DCC: variants seen among roughly 807,000 people sequenced by gnomAD.
DCC encodes the protein netrin receptor DCC.
In DCC, 58 loss-of-function variants were observed where a neutral mutation model predicts 172.5. The observed-to-expected ratio is 0.34, with a 90% confidence interval of 0.27 to 0.42. DCC has a LOEUF of 0.42. DCC is among the 10% of genes least tolerant of loss of function. The pLI, the probability that DCC is intolerant of heterozygous loss-of-function variation, is 1.00. For missense variants in DCC, 1,740 were observed against 1,791.0 expected (o/e 0.97, Z 0.51); for synonymous variants, 709 against 644.5 (o/e 1.10, Z -1.52).
chr18:53,157,637 C>A, intron 8 of DCC, 125 bp downstream of exon 8: 1 of 922,432 alleles, frequency 1.1e-6, no homozygotes, highest in Non-Finnish European at 1.7e-6. Flanking sequence ...CTACTATGTC[C>A]TTCACTCATT....
At chr18:53,022,586 C>T (rs73463167) in intron 5 of DCC, among the ~76,000 whole-genome samples, 2,147 of 150,426 alleles carry the variant, frequency 0.014, 51 homozygotes, top group African/African-American at 0.049. Flanking sequence ...TAACGGAACA[C>T]CATGGGAAAA....
At chr18:52,795,992 A>G (rs2037868150) in intron 2 of DCC, among the ~76,000 whole-genome samples, 1 of 149,044 alleles carries the variant, frequency 6.7e-6, no homozygotes, top group African/African-American at 2.5e-5. Flanking sequence ...TGCTAATATG[A>G]TTTATTTTTC....
At chr18:53,337,075 TA>T (rs1430221746) in intron 14 of DCC, among the ~76,000 whole-genome samples, 1 of 152,260 alleles carries the variant, frequency 6.6e-6, no homozygotes, top group African/African-American at 2.4e-5. Flanking sequence ...ATGATATGTT[TA>T]AAGCTCCGAT....
Position 53,351,373 on chromosome 18 carries a change from ATATATATACAG to A in DCC, c.2359+11475_2359+11485del, listed in dbSNP as rs1390748017. On this transcript the variant is annotated intron_variant, in intron 15 of 28. Transcript: ENST00000442544. ...TACACAGTATATATATATACTGTAT[ATATATATACAG>A]TATATATATATACAGTGTATATATA... 1.9e-4 allele frequency among the ~76,000 whole-genome samples: 14 copies of A among 72,516 alleles called. 1 individual carries two copies. The East Asian group carries it at 3.3e-3, about 17-fold the overall frequency. 47.6% of individuals were successfully genotyped at this position (72,516 alleles called of 152,430 possible).
chr18:52,743,274 T>C (rs2036852076), intron 1 of DCC, among the ~76,000 whole-genome samples: 1 of 152,162 alleles, frequency 6.6e-6, no homozygotes, highest in African/African-American at 2.4e-5. Flanking sequence ...CTCTCTCTAC[T>C]TAGAGAAAGA....
intron 5 of DCC, among the ~76,000 whole-genome samples, chr18:53,018,086 T>C (rs1485031311): frequency 6.6e-6 from 1 of 152,174 alleles, no homozygotes; most frequent in Non-Finnish European, 1.5e-5. Flanking sequence ...CCTTGATGGG[T>C]GCAGCAAACC....
intron 5 of DCC, among the ~76,000 whole-genome samples, chr18:52,958,460 C>T (rs2040783843): frequency 6.6e-6 from 1 of 151,986 alleles, no homozygotes. Context: ...TAAAAAATAG[C>T]TTTTAATAAT....
At chr18:52,459,093 A>G (rs934513965) in intron 1 of DCC, among the ~76,000 whole-genome samples, 3 of 152,054 alleles carry the variant, frequency 2.0e-5, no homozygotes, top group Non-Finnish European at 4.4e-5. Flanking sequence ...TCATAACATC[A>G]AAACCTTATG....
intron 2 of DCC, among the ~76,000 whole-genome samples, chr18:52,884,948 A>G (rs143136554): frequency 6.6e-6 from 1 of 152,258 alleles, no homozygotes; most frequent in East Asian, 1.9e-4. Context: ...ATTTAATCTG[A>G]AAAACTTCTC....
chr18:52,876,665 T>C (rs2039407398), intron 2 of DCC, among the ~76,000 whole-genome samples: 1 of 152,200 alleles, frequency 6.6e-6, no homozygotes, highest in Non-Finnish European at 1.5e-5. Flanking sequence ...CAAATTGAAA[T>C]GTACTTATGA....
chr18:53,385,894 C>T (rs1908128795), intron 15 of DCC, 149 bp from the exon 16 acceptor site: 2 of 676,674 alleles, frequency 3.0e-6, no homozygotes, highest in African/African-American at 3.6e-5. Context: ...CCACCCACTG[C>T]CACTTTCCTT....
At chr18:53,345,444 A>G (rs2057712444) in intron 15 of DCC, among the ~76,000 whole-genome samples, 1 of 152,156 alleles carries the variant, frequency 6.6e-6, no homozygotes, top group African/African-American at 2.4e-5. Context: ...ATGTACATGC[A>G]TTGAAAATCC....
intron 1 of DCC, among the ~76,000 whole-genome samples, chr18:52,402,444 CCTTT>C (rs942119945): frequency 5.9e-5 from 9 of 151,934 alleles, no homozygotes; most frequent in Admixed American, 3.3e-4. Context: ...TCTTCATCTT[CCTTT>C]CTATTTTCTC....
At chr18:53,235,426 ACTC>A (rs2056187042) in intron 12 of DCC, among the ~76,000 whole-genome samples, 1 of 152,112 alleles carries the variant, frequency 6.6e-6, no homozygotes, top group South Asian at 2.1e-4. Flanking sequence ...AGAAGAAAGA[ACTC>A]CTAGAAAAAT....
chr18:52,536,344 A>G (rs1490179556), intron 1 of DCC, among the ~76,000 whole-genome samples: 1 of 151,540 alleles, frequency 6.6e-6, no homozygotes, highest in African/African-American at 2.4e-5. Flanking sequence ...GGACAGATGG[A>G]CTAAGTAGGC....
chr18:52,921,039 G>T (rs567342700), intron 3 of DCC, among the ~76,000 whole-genome samples: 20 of 152,230 alleles, frequency 1.3e-4, no homozygotes, highest in Non-Finnish European at 1.8e-4. Flanking sequence ...GGAGTGTAAT[G>T]AATAGGTGAA....
chr18:52,500,306 C>T (rs148389098), intron 1 of DCC, among the ~76,000 whole-genome samples: 37 of 152,208 alleles, frequency 2.4e-4, no homozygotes, highest in African/African-American at 8.7e-4. Context: ...TCATGAATGG[C>T]AAATGAAGAC....
chr18:53,362,952 CTA>C, intron 15 of DCC, among the ~76,000 whole-genome samples: 1 of 152,132 alleles, frequency 6.6e-6, no homozygotes, highest in Non-Finnish European at 1.5e-5. Flanking sequence ...TGTGCCAACT[CTA>C]TGTATTGTCT....
intron 1 of DCC, among the ~76,000 whole-genome samples, chr18:52,443,250 T>A (rs1988024096): frequency 6.6e-6 from 1 of 152,156 alleles, no homozygotes; most frequent in East Asian, 1.9e-4. Flanking sequence ...GCCCAATAAT[T>A]ATTCTTATGA....
Sources: gnomAD v4.1 joint callset for allele counts (sites outside exome capture counted in the v4.1 genomes callset) on GRCh38, gnomAD v4.1.1 for gene constraint, MANE v1.5 for transcripts, NCBI Gene and HGNC (gene_info 2026-07-23, HGNC 2026-07-21) for gene names.